The following PTPRR variants were observed in gnomAD, a reference collection of about 807,000 sequenced individuals.
The protein encoded by PTPRR is protein tyrosine phosphatase receptor type R.
PTPRR carries 38 observed loss-of-function variants against 77.2 expected under a neutral mutation model. The observed-to-expected ratio is 0.49, with a 90% CI of 0.38 to 0.65. PTPRR has a LOEUF of 0.65. PTPRR is among the 30% of genes least tolerant of loss of function. The pLI is 0.00. For synonymous variants in PTPRR, 299 were observed against 283.1 expected (o/e 1.06, Z -0.57); for missense variants, 744 against 799.2 (o/e 0.93, Z 0.83).
chr12:70,676,361 T>C (rs765254450), intron 10 of PTPRR, among the ~76,000 whole-genome samples: 15 of 152,172 alleles, frequency 9.9e-5, no homozygotes, highest in Non-Finnish European at 1.5e-4. Flanking sequence ...ATAGCCTTTT[T>C]GGATAGTAAC....
chr12:70,726,400 C>T (rs768282895), intron 6 of PTPRR, among the ~76,000 whole-genome samples: 5 of 151,948 alleles, frequency 3.3e-5, no homozygotes, highest in Non-Finnish European at 7.4e-5. Flanking sequence ...TGCCCTTGAG[C>T]AAGTGACATA....
chr12:70,766,251 A>G (rs1314814785), intron 2 of PTPRR, among the ~76,000 whole-genome samples: 3 of 152,232 alleles, frequency 2.0e-5, no homozygotes, highest in Non-Finnish European at 4.4e-5. Context: ...AAGGCAAAGA[A>G]GTTGAAAACT....
At chr12:70,822,339 GC>G (rs1892030137) in intron 2 of PTPRR, among the ~76,000 whole-genome samples, 1 of 152,124 alleles carries the variant, frequency 6.6e-6, no homozygotes, top group African/African-American at 2.4e-5. Flanking sequence ...ACCACAGAGA[GC>G]TACGTTTTTC....
chr12:70,880,271 A>G (rs998697727), intron 2 of PTPRR, among the ~76,000 whole-genome samples: 4 of 152,136 alleles, frequency 2.6e-5, no homozygotes, highest in African/African-American at 9.7e-5. Flanking sequence ...TTTTATAAAC[A>G]AGGAAACTGA....
chr12:70,754,327 A>C, intron 4 of PTPRR, 26 bp from the exon 5 acceptor site: 1 of 1,611,286 alleles, frequency 6.2e-7, no homozygotes, highest in East Asian at 2.2e-5. Context: ...AGAAAGTCCG[A>C]CGTTAAATGA....
intron 5 of PTPRR, among the ~76,000 whole-genome samples, chr12:70,752,475 G>A (rs1890433124): frequency 6.6e-6 from 1 of 152,136 alleles, no homozygotes; most frequent in Non-Finnish European, 1.5e-5. Context: ...GACCAACATA[G>A]GCATTTATCT....
At chr12:70,775,768 C>A (rs1171500290) in intron 2 of PTPRR, among the ~76,000 whole-genome samples, 1 of 151,956 alleles carries the variant, frequency 6.6e-6, no homozygotes, top group African/African-American at 2.4e-5. Context: ...CCACTTCTAA[C>A]TCAAATGTGC....
intron 13 of PTPRR, among the ~76,000 whole-genome samples, chr12:70,650,144 G>A (rs1886341277): frequency 1.3e-5 from 2 of 152,104 alleles, no homozygotes; most frequent in East Asian, 1.9e-4. Context: ...GGAAGACTTC[G>A]AAGAAATATA....
intron 2 of PTPRR, among the ~76,000 whole-genome samples, chr12:70,889,977 C>A (rs1291337688): frequency 6.6e-6 from 1 of 152,188 alleles, no homozygotes; most frequent in African/African-American, 2.4e-5. Flanking sequence ...CTTCACTCAG[C>A]AGCCTATGCT....
chr12:70,689,361 T>C (rs1223790452), intron 8 of PTPRR, among the ~76,000 whole-genome samples: 1 of 152,072 alleles, frequency 6.6e-6, no homozygotes, highest in Admixed American at 6.6e-5. Context: ...CCAAATAATA[T>C]AAGCTTTAGC....
intron 2 of PTPRR, among the ~76,000 whole-genome samples, chr12:70,843,525 G>A (rs1892431314): frequency 1.3e-5 from 2 of 152,124 alleles, no homozygotes; most frequent in South Asian, 4.1e-4. Context: ...CAATTGCTCT[G>A]TAAGATATAT....
chr12:70,685,731 C>T (rs1462635260), intron 8 of PTPRR, among the ~76,000 whole-genome samples: 1 of 152,152 alleles, frequency 6.6e-6, no homozygotes, highest in Admixed American at 6.5e-5. Flanking sequence ...CATAAAATAA[C>T]AAACAACATA....
chr12:70,809,004 C>T (rs1452490964), intron 2 of PTPRR, among the ~76,000 whole-genome samples: 2 of 152,040 alleles, frequency 1.3e-5, no homozygotes, highest in Non-Finnish European at 2.9e-5. Context: ...GGAGATTGAC[C>T]CCACAGAAAT....
chr12:70,912,950 T>G (rs995296572), intron 1 of PTPRR, among the ~76,000 whole-genome samples: 1 of 152,088 alleles, frequency 6.6e-6, no homozygotes, highest in African/African-American at 2.4e-5. Context: ...AAAAATGCAC[T>G]CATGGGCCAA....
chr12:70,700,155 T>C (rs964156549), intron 7 of PTPRR, among the ~76,000 whole-genome samples: 2 of 152,214 alleles, frequency 1.3e-5, no homozygotes, highest in African/African-American at 4.8e-5. Flanking sequence ...CACTTAATAA[T>C]AGTTGATGGG....
At chr12:70,898,370 A>T (rs1893471234) in intron 1 of PTPRR, among the ~76,000 whole-genome samples, 1 of 145,144 alleles carries the variant, frequency 6.9e-6, no homozygotes, top group South Asian at 2.2e-4. Flanking sequence ...TTAAAAAGAC[A>T]CCTCATTTTA....
At chr12:70,741,294 T>C (rs188148250) in intron 6 of PTPRR, among the ~76,000 whole-genome samples, 3 of 152,292 alleles carry the variant, frequency 2.0e-5, no homozygotes. Context: ...AAACCAGAAC[T>C]TAAAGACAAC....
At chr12:70,896,826 A>G (rs1893436800) in intron 1 of PTPRR, among the ~76,000 whole-genome samples, 1 of 151,816 alleles carries the variant, frequency 6.6e-6, no homozygotes, top group African/African-American at 2.4e-5. Flanking sequence ...AGCTTTCTAC[A>G]TATGGCTAGC....
At chr12:70,853,597 T>C (rs536951990) in intron 2 of PTPRR, among the ~76,000 whole-genome samples, 1 of 152,302 alleles carries the variant, frequency 6.6e-6, no homozygotes, top group African/African-American at 2.4e-5. Flanking sequence ...TCGGACTTGA[T>C]ATGTAACATT....
Sources: allele counts gnomAD v4.1 joint callset (sites outside exome capture counted in the v4.1 genomes callset), GRCh38; gene constraint gnomAD v4.1.1; transcripts MANE v1.5; gene names NCBI Gene and HGNC (gene_info 2026-07-23, HGNC 2026-07-21).